HSD17B12: variants seen among roughly 807,000 people sequenced by gnomAD.
HSD17B12 encodes hydroxysteroid 17-beta dehydrogenase 12.
Under a neutral mutation model 39.3 loss-of-function variants are expected in HSD17B12, and 32 were observed. That is an observed-to-expected ratio of 0.81 (90% CI 0.61 to 1.09). The LOEUF is 1.09. Ranked by LOEUF, HSD17B12 falls within the 50% of genes least tolerant of loss-of-function variation. The probability of loss-of-function intolerance (pLI) is 0.00; values close to 1 mark genes in which losing one functional copy is unlikely to be tolerated. For missense variants in HSD17B12, 342 were observed against 382.9 expected, an observed-to-expected ratio of 0.89 and a Z score of 0.89; for synonymous variants, 150 against 146.7, an observed-to-expected ratio of 1.02 and a Z score of -0.16.
intron 1 of HSD17B12, among the ~76,000 whole-genome samples, chr11:43,728,632 C>T (rs927938572): frequency 6.6e-6 from 1 of 152,168 alleles, no homozygotes; most frequent in South Asian, 2.1e-4. Flanking sequence ...ATCTGGGAAT[C>T]GGATTATTTA....
intron 2 of HSD17B12, among the ~76,000 whole-genome samples, chr11:43,753,559 A>T (rs939964287): frequency 1.2e-4 from 16 of 138,906 alleles, no homozygotes; most frequent in African/African-American, 4.3e-4. Context: ...CAGATAATTA[A>T]AAAAAAAAAA....
chr11:43,730,148 A>T (rs1419398159), intron 1 of HSD17B12, among the ~76,000 whole-genome samples: 3 of 152,122 alleles, frequency 2.0e-5, no homozygotes. Context: ...TTGCAACTAC[A>T]TTGTAAAGAT....
At chr11:43,681,694 C>T (rs1367430529) in intron 1 of HSD17B12, among the ~76,000 whole-genome samples, 1 of 148,776 alleles carries the variant, frequency 6.7e-6, no homozygotes, top group Non-Finnish European at 1.5e-5. Flanking sequence ...TTCACAAGGA[C>T]GTTTGTAGGA....
At position 43,798,432 on chromosome 11, in the gene HSD17B12, G is replaced by C. The variant is rs747692021; in HGVS notation, c.391+5G>C. On this transcript the variant is annotated splice_donor_5th_base_variant and intron_variant, in intron 4 of 10. Transcript: ENST00000278353. ...GTCTTGAAATCGGCATCTTAGGTTTGTATTTTTGCCACATTTATAGGTTCT... is the reference window on the plus strand; with the variant it reads ...GTCTTGAAATCGGCATCTTAGGTTTCTATTTTTGCCACATTTATAGGTTCT... 6 of 1,568,538 alleles carry C rather than the reference G, an allele frequency of 3.8e-6. No individual in the cohort carries two copies. The highest frequency in any genetic ancestry group is 2.7e-5 in the African/African-American group (2 of 73,690).
At chr11:43,663,168 C>G in the HSD17B12 span, among the ~76,000 whole-genome samples, 1 of 152,090 alleles carries the variant, frequency 6.6e-6, no homozygotes, top group Non-Finnish European at 1.5e-5. Flanking sequence ...CTGCAACCTC[C>G]GCCTCCCTGC....
At chr11:43,827,624 CT>C (rs1420332579) in intron 6 of HSD17B12, among the ~76,000 whole-genome samples, 1 of 152,122 alleles carries the variant, frequency 6.6e-6, no homozygotes, top group East Asian at 1.9e-4. Context: ...AATTAAGTCA[CT>C]TTTAGTCGTA....
chr11:43,646,473 G>A, the HSD17B12 span: 1 of 152,168 alleles, frequency 6.6e-6, no homozygotes, highest in Non-Finnish European at 1.5e-5. Context: ...AAGACCGGAT[G>A]GCTAGACTTT....
chr11:43,646,769 T>C, the HSD17B12 span, among the ~76,000 whole-genome samples: 1 of 152,232 alleles, frequency 6.6e-6, no homozygotes, highest in Non-Finnish European at 1.5e-5. Context: ...AATTTTGGTA[T>C]TTAATCATTT....
At chr11:43,807,949 A>G (rs1443173057) in intron 4 of HSD17B12, among the ~76,000 whole-genome samples, 1 of 152,182 alleles carries the variant, frequency 6.6e-6, no homozygotes, top group African/African-American at 2.4e-5. Flanking sequence ...AGATATTGAT[A>G]TTTCTATGCC....
the HSD17B12 span, among the ~76,000 whole-genome samples, chr11:43,649,989 G>T: frequency 2.0e-5 from 3 of 152,278 alleles, no homozygotes; most frequent in African/African-American, 7.2e-5. Context: ...TTTTGAAAAT[G>T]GATCCTCCAG....
chr11:43,641,935 T>C, the HSD17B12 span, among the ~76,000 whole-genome samples: 3 of 151,914 alleles, frequency 2.0e-5, no homozygotes, highest in African/African-American at 7.2e-5. Context: ...ATAGAATCTG[T>C]TGTAAATATG....
the HSD17B12 span, among the ~76,000 whole-genome samples, chr11:43,605,113 T>G: frequency 1.3e-5 from 2 of 152,184 alleles, no homozygotes; most frequent in Non-Finnish European, 1.5e-5. Context: ...AAAGCAGGTC[T>G]AGGTAACTAG....
chr11:43,790,376 C>A (rs551101871), intron 3 of HSD17B12, among the ~76,000 whole-genome samples: 7 of 152,292 alleles, frequency 4.6e-5, no homozygotes, highest in African/African-American at 1.7e-4. Context: ...ATACCTACAG[C>A]AGCCTATGCT....
At chr11:43,729,597 GA>G (rs1950250461) in intron 1 of HSD17B12, among the ~76,000 whole-genome samples, 1 of 152,206 alleles carries the variant, frequency 6.6e-6, no homozygotes, top group African/African-American at 2.4e-5. Flanking sequence ...TGCATAAGAG[GA>G]CGCTTAAATC....
chr11:43,761,665 T>G (rs1950556147), intron 3 of HSD17B12, among the ~76,000 whole-genome samples: 1 of 152,232 alleles, frequency 6.6e-6, no homozygotes, highest in Admixed American at 6.5e-5. Context: ...TCTAGTGACT[T>G]GGCAGGAGAT....
At chr11:43,578,439 T>C in the HSD17B12 span, among the ~76,000 whole-genome samples, 1 of 152,230 alleles carries the variant, frequency 6.6e-6, no homozygotes, top group Admixed American at 6.5e-5. Flanking sequence ...GTTCCCTGAC[T>C]GAGACTGAAT....
At chr11:43,702,916 C>T (rs7948942) in intron 1 of HSD17B12, among the ~76,000 whole-genome samples, 74,421 of 152,000 alleles carry the variant, frequency 0.49, 18,661 homozygotes, top group Non-Finnish European at 0.53. Context: ...AGCCAAAAGA[C>T]TGGACACCTC....
At chr11:43,624,073 A>T in the HSD17B12 span, among the ~76,000 whole-genome samples, 3 of 151,852 alleles carry the variant, frequency 2.0e-5, no homozygotes, top group Non-Finnish European at 4.4e-5. Flanking sequence ...AAAATCTTCT[A>T]CCTAAAAAGA....
At chr11:43,704,141 A>G (rs963397071) in intron 1 of HSD17B12, among the ~76,000 whole-genome samples, 2 of 152,228 alleles carry the variant, frequency 1.3e-5, no homozygotes, top group African/African-American at 4.8e-5. Context: ...TCCCATCACA[A>G]TATTTGCATT....
Sources: allele counts gnomAD v4.1 joint callset (sites outside exome capture counted in the v4.1 genomes callset), GRCh38; gene constraint gnomAD v4.1.1; transcripts MANE v1.5; gene names NCBI Gene and HGNC (gene_info 2026-07-23, HGNC 2026-07-21).